Variants in VPS13B observed in about 807,000 individuals in gnomAD.
The protein encoded by VPS13B is intermembrane lipid transfer protein VPS13B.
A neutral mutation model predicts 426.4 loss-of-function variants in VPS13B; 285 were observed. The observed-to-expected ratio is 0.67, with a 90% CI of 0.61 to 0.74. The LOEUF is 0.74. Among genes scored for constraint, VPS13B ranks in the 30% least tolerant of loss-of-function variants. The pLI is 0.00. For missense variants in VPS13B, 4,537 were observed against 4,782.6 expected (o/e 0.95, Z 1.51); for synonymous variants, 1,676 against 1,676.4 (o/e 1.00, Z 0.01).
intron 19 of VPS13B, among the ~76,000 whole-genome samples, chr8:99,360,893 ATATT>A (rs916030325): frequency 9.7e-4 from 148 of 152,280 alleles, no homozygotes; most frequent in African/African-American, 3.3e-3. Context: ...TATAAATAAA[ATATT>A]TATTATTGCA....
chr8:99,141,737 G>A (rs1240188406), intron 12 of VPS13B, among the ~76,000 whole-genome samples: 1 of 151,960 alleles, frequency 6.6e-6, no homozygotes, highest in African/African-American at 2.4e-5. Flanking sequence ...TTAAAAATAT[G>A]TGAGTAATAA....
At chr8:99,401,555 G>A (rs1407941210) in intron 21 of VPS13B, among the ~76,000 whole-genome samples, 1 of 152,102 alleles carries the variant, frequency 6.6e-6, no homozygotes, top group Admixed American at 6.6e-5. Flanking sequence ...TCCAATGATA[G>A]TCTACTGTAT....
intron 26 of VPS13B, 108 bp from the exon 27 acceptor site, chr8:99,502,728 G>A (rs998028467): frequency 1.8e-5 from 15 of 848,840 alleles, no homozygotes; most frequent in African/African-American, 6.7e-5. Flanking sequence ...TGATCTCAGC[G>A]CCTCTGTACA....
intron 54 of VPS13B, among the ~76,000 whole-genome samples, chr8:99,839,185 T>C (rs1197251009): frequency 6.6e-6 from 1 of 152,216 alleles, no homozygotes; most frequent in East Asian, 1.9e-4. Context: ...AAAGATCCAG[T>C]AAATTCTCAT....
intron 21 of VPS13B, among the ~76,000 whole-genome samples, chr8:99,397,143 T>TTATC (rs1231932912): frequency 3.9e-5 from 6 of 152,102 alleles, no homozygotes; most frequent in African/African-American, 1.4e-4. Context: ...TATTTCTTCT[T>TTATC]TATTTATTTA....
chr8:99,085,939 T>C (rs1845757194), intron 3 of VPS13B, among the ~76,000 whole-genome samples: 1 of 151,984 alleles, frequency 6.6e-6, no homozygotes, highest in South Asian at 2.1e-4. Context: ...GAGCAACAAT[T>C]ATGTTGCTCT....
intron 19 of VPS13B, among the ~76,000 whole-genome samples, chr8:99,373,229 A>G (rs1813289141): frequency 6.6e-6 from 1 of 152,146 alleles, no homozygotes; most frequent in Admixed American, 6.6e-5. Context: ...CTTAAGATCT[A>G]CATGATGGGT....
intron 61 of VPS13B, among the ~76,000 whole-genome samples, chr8:99,874,211 CAGG>C (rs1377173002): frequency 6.6e-6 from 1 of 152,140 alleles, no homozygotes; most frequent in African/African-American, 2.4e-5. Context: ...TGCTGCTGTT[CAGG>C]AGGAGCAATT....
In VPS13B at chr8:99,228,974, CAT is replaced by C. The variant is rs748182399; in HGVS notation, c.2515+35918_2515+35919del. 3.7e-4 allele frequency among the ~76,000 whole-genome samples: 57 copies of C among 152,128 alleles called. 1 individual carries two copies. Among genetic ancestry groups the C allele is most frequent in the Middle Eastern group, 6.8e-3 (2 of 294 alleles). On this transcript the variant is annotated intron_variant, in intron 17 of 61. Coordinates refer to ENST00000357162, the MANE Select transcript of VPS13B (RefSeq NM_152564.5). ...AGTGTGATAGTAAGCTCAATCATCACATGTTTCACATAAAATGAATCTTCTGT... is the reference window on the plus strand; with the variant it reads ...AGTGTGATAGTAAGCTCAATCATCACGTTTCACATAAAATGAATCTTCTGT...
In VPS13B at chr8:99,142,985, C is replaced by G; in HGVS notation, c.1663C>G (p.Gln555Glu). The G allele has an allele frequency of 6.2e-7, 1 of 1,613,198 alleles. No homozygotes were observed. Among genetic ancestry groups the G allele is most frequent in the East Asian group, 2.2e-5 (1 of 44,804 alleles). ...TTGACTTCTTTTAGGTTCCACAAAT[C>G]AACAAGACTTTTCTTCAGGGAAAAG... Reference protein sequence around the residue: ...ENTSGKGSTNQQDFSSGKSED... With the variant: ...ENTSGKGSTNEQDFSSGKSED... The change falls in exon 13 of 62, where the codon CAA becomes GAA. Residue 555 changes from glutamine to glutamate, a missense_variant. By Grantham distance (29) the Gln-to-Glu change is conservative. Coordinates refer to ENST00000357162, the MANE Select transcript of VPS13B (RefSeq NM_152564.5).
At chr8:99,817,506 T>G in intron 44 of VPS13B, 34 bp from the exon 45 acceptor site, 1 of 1,612,548 alleles carries the variant, frequency 6.2e-7, no homozygotes, top group Non-Finnish European at 8.5e-7. Flanking sequence ...GAAGTCTGAA[T>G]TGATGAAGCC....
intron 23 of VPS13B, among the ~76,000 whole-genome samples, chr8:99,451,264 CCT>C (rs1818182210): frequency 1.3e-5 from 2 of 152,174 alleles, no homozygotes; most frequent in African/African-American, 4.8e-5. Context: ...AACCATCTGT[CCT>C]CTCTATCCCA....
intron 19 of VPS13B, among the ~76,000 whole-genome samples, chr8:99,383,696 A>G (rs916277587): frequency 4.6e-5 from 7 of 152,160 alleles, no homozygotes; most frequent in African/African-American, 1.7e-4. Flanking sequence ...TGGCAATTTC[A>G]TATAAGTGGA....
At chr8:99,870,910 T>A in intron 60 of VPS13B, 23 bp downstream of exon 60, 13 of 1,606,410 alleles carry the variant, frequency 8.1e-6, no homozygotes, top group Non-Finnish European at 1.1e-5. Context: ...AGATACGTGC[T>A]CAACTTTACA....
intron 33 of VPS13B, among the ~76,000 whole-genome samples, chr8:99,578,873 C>T (rs1563806685): frequency 6.6e-6 from 1 of 152,142 alleles, no homozygotes; most frequent in South Asian, 2.1e-4. Context: ...TATCTACATA[C>T]TTTTAATGCC....
intron 35 of VPS13B, among the ~76,000 whole-genome samples, chr8:99,692,758 T>A (rs1831740963): frequency 6.8e-6 from 1 of 147,596 alleles, no homozygotes; most frequent in South Asian, 2.1e-4. Flanking sequence ...ATCCAGGAGC[T>A]GGTTTTTTGA....
In VPS13B at chr8:99,819,908, G is replaced by T. The variant is rs374758899; in HGVS notation, c.8793-13G>T. The T allele has an allele frequency of 1.1e-5, 17 of 1,613,638 alleles. No individual in the cohort carries two copies. The highest frequency in any genetic ancestry group is 9.3e-5 in the African/African-American group (7 of 74,890). ...TATTTCATTGAGTCTCTTGGATGTG[G>T]TTTTTGGAACAGGAATGAACAGCTA... is the stretch of plus-strand genomic sequence containing the variant. On this transcript the variant is annotated splice_polypyrimidine_tract_variant and intron_variant, in intron 48 of 61. Coordinates refer to ENST00000357162, the MANE Select transcript of VPS13B (RefSeq NM_152564.5).
At chr8:99,073,973 A>G (rs1319665466) in intron 3 of VPS13B, among the ~76,000 whole-genome samples, 1 of 151,564 alleles carries the variant, frequency 6.6e-6, no homozygotes, top group Non-Finnish European at 1.5e-5. Flanking sequence ...GTCTCCCTAT[A>G]TTGCCCAGGC....
chr8:99,654,164 T>G (rs1468441448), intron 34 of VPS13B, among the ~76,000 whole-genome samples: 1 of 152,098 alleles, frequency 6.6e-6, no homozygotes, highest in Non-Finnish European at 1.5e-5. Flanking sequence ...TTCTCCTGCC[T>G]CAGCCTCCCT....
Sources: gnomAD v4.1 joint callset for allele counts (sites outside exome capture counted in the v4.1 genomes callset) on GRCh38, gnomAD v4.1.1 for gene constraint, MANE v1.5 for transcripts, NCBI Gene and HGNC (gene_info 2026-07-23, HGNC 2026-07-21) for gene names.